Variants in ZRANB2 observed in about 807,000 individuals in gnomAD.
The protein encoded by ZRANB2 is zinc finger RANBP2-type containing 2, also known as zinc finger Ran-binding domain-containing protein 2.
A neutral mutation model predicts 53.4 loss-of-function variants in ZRANB2; 19 were observed. The observed-to-expected ratio is 0.36, with a 90% CI of 0.25 to 0.52. The LOEUF (loss-of-function observed/expected upper bound fraction) is 0.52. ZRANB2 is among the 20% of genes least tolerant of loss of function. The probability of loss-of-function intolerance (pLI) is 0.93; values close to 1 mark genes in which losing one functional copy is unlikely to be tolerated. For missense variants in ZRANB2, 309 were observed against 401.1 expected, an observed-to-expected ratio of 0.77 and a Z score of 1.96; for synonymous variants, 145 against 134.8, an observed-to-expected ratio of 1.08 and a Z score of -0.52.
At chr1:71,080,365 G>A (rs1340646108) in intron 1 of ZRANB2, among the ~76,000 whole-genome samples, 2 of 151,998 alleles carry the variant, frequency 1.3e-5, no homozygotes, top group East Asian at 1.9e-4. Flanking sequence ...GCTCTAAGGA[G>A]GCGAAAAGCC....
At chr1:71,072,933 C>T (rs1000935600) in intron 4 of ZRANB2, among the ~76,000 whole-genome samples, 4 of 151,362 alleles carry the variant, frequency 2.6e-5, no homozygotes, top group African/African-American at 9.7e-5. Context: ...CCACTGTTTA[C>T]CAACTGCAAA....
intron 4 of ZRANB2, among the ~76,000 whole-genome samples, chr1:71,074,331 T>C (rs1387323575): frequency 2.6e-5 from 4 of 152,168 alleles, no homozygotes; most frequent in African/African-American, 7.2e-5. Context: ...AGAATTTCCG[T>C]AGATTTTAGT....
intron 8 of ZRANB2, chr1:71,067,456 GAAGA>G (rs1661472982): frequency 3.4e-6 from 1 of 290,152 alleles, no homozygotes; most frequent in Non-Finnish European, 6.9e-6. Flanking sequence ...AAATATTCAA[GAAGA>G]AATAAAAACT....
At chr1:71,071,322 C>T (rs1369910000) in intron 6 of ZRANB2, among the ~76,000 whole-genome samples, 1 of 152,164 alleles carries the variant, frequency 6.6e-6, no homozygotes, top group African/African-American at 2.4e-5. Flanking sequence ...TCCTTATTCT[C>T]TAGCATATTA....
chr1:71,076,565 T>C (rs775466917), intron 4 of ZRANB2, among the ~76,000 whole-genome samples: 2 of 152,196 alleles, frequency 1.3e-5, no homozygotes, highest in Admixed American at 6.5e-5. Context: ...AAAGTATTCT[T>C]ATGTCCCTCC....
At chr1:71,072,691 C>A in intron 4 of ZRANB2, 143 bp from the exon 5 acceptor site, 1 of 599,650 alleles carries the variant, frequency 1.7e-6, no homozygotes, top group South Asian at 2.5e-5. Flanking sequence ...CTTTAGAAAG[C>A]ATATTAGAAA....
Position 71,070,883 on chromosome 1 carries a change from T to G in ZRANB2, c.627A>C (p.Ser209=). The change falls in exon 7 of 10, where the codon TCA becomes TCC. Residue 209 remains serine (S), a synonymous_variant. Transcript: ENST00000370920. ...NRRSRSKSRS[S]HSRSSSRSSS... ...ATGAGCGTGATGAAGATCGTGAATGTGAAGATCGAGACTTTGAGCGACTTC... is the reference window on the plus strand; with the variant it reads ...ATGAGCGTGATGAAGATCGTGAATGGGAAGATCGAGACTTTGAGCGACTTC... 1 of 1,610,834 alleles carries G rather than the reference T, an allele frequency of 6.2e-7. No individual in the cohort carries two copies. The highest frequency in any genetic ancestry group is 1.7e-5 in the Admixed American group (1 of 59,550).
Position 71,072,205 on chromosome 1 carries a change from A to G in ZRANB2, c.429T>C (p.Ser143=). 1 of 1,612,354 alleles carries G rather than the reference A, an allele frequency of 6.2e-7. No individual in the cohort carries two copies. Among genetic ancestry groups the G allele is most frequent in the Non-Finnish European group, 8.5e-7 (1 of 1,179,268 alleles). The change falls in exon 6 of 10, where the codon TCT becomes TCC. Residue 143 remains serine (S), a synonymous_variant. Coordinates refer to ENST00000370920, the MANE Select transcript of ZRANB2 (RefSeq NM_203350.3). ...KYRGKAVGPA[S]ILKEVEDKES... is the part of the protein sequence containing the mutation. The stretch of plus-strand genomic sequence containing the variant: ...CTTTATCTTCAACTTCCTTTAATAT[A>G]GATGCAGGACCAACTGCTTTCCCTC...
chr1:71,075,085 CAA>C (rs1661677318), intron 4 of ZRANB2, among the ~76,000 whole-genome samples: 4 of 152,078 alleles, frequency 2.6e-5, no homozygotes, highest in Admixed American at 2.6e-4. Flanking sequence ...GGAAATAGGT[CAA>C]AGTTTTTTTA....
intron 9 of ZRANB2, chr1:71,065,575 T>C (rs1353231147): frequency 1.4e-6 from 2 of 1,447,076 alleles, no homozygotes; most frequent in African/African-American, 1.4e-5. Flanking sequence ...TATGAGAAAA[T>C]ATACTCATAA....
At chr1:71,080,542 T>C (rs957119474) in intron 1 of ZRANB2, among the ~76,000 whole-genome samples, 5 of 151,788 alleles carry the variant, frequency 3.3e-5, no homozygotes, top group Non-Finnish European at 7.4e-5. Context: ...AAAGCAATAT[T>C]TTCCGTGAAC....
At chr1:71,078,760 C>A in intron 1 of ZRANB2, 52 bp from the exon 2 acceptor site, 2 of 1,475,326 alleles carry the variant, frequency 1.4e-6, no homozygotes, top group Non-Finnish European at 1.9e-6. Flanking sequence ...TAAAATTTTA[C>A]ATTTTAACTT....
At chr1:71,065,700 G>A (rs974989630) in intron 9 of ZRANB2, 33 of 1,611,896 alleles carry the variant, frequency 2.0e-5, no homozygotes, top group Non-Finnish European at 2.6e-5. Context: ...GTGGTGTTCC[G>A]TAGGGGTTGG....
At chr1:71,080,879 G>T in intron 1 of ZRANB2, 61 bp downstream of exon 1, 1 of 1,579,574 alleles carries the variant, frequency 6.3e-7, no homozygotes, top group South Asian at 1.1e-5. Context: ...AATGCCGGAC[G>T]GACCTCGGAA....
chr1:71,075,770 C>G (rs750689108), intron 4 of ZRANB2, among the ~76,000 whole-genome samples: 1 of 151,746 alleles, frequency 6.6e-6, no homozygotes, highest in African/African-American at 2.4e-5. Context: ...CTTACCCAAT[C>G]GGTGGAAAGG....
chr1:71,071,287 C>T (rs1661588831), intron 6 of ZRANB2, among the ~76,000 whole-genome samples: 2 of 152,198 alleles, frequency 1.3e-5, no homozygotes, highest in South Asian at 4.1e-4. Flanking sequence ...CTTGAAATCA[C>T]CATTTTTAGT....
chr1:71,065,064 T>C lies in ZRANB2; in HGVS notation c.*10A>G. On this transcript the variant is annotated 3_prime_UTR_variant, in exon 10 of 10. Coordinates refer to ENST00000370920, the MANE Select transcript of ZRANB2 (RefSeq NM_203350.3). Reference sequence around the variant, plus strand: ...GTACTGGATTTTTTTAAGATGTAAATTTTAATACATTATTTCTTTTTTGAA... The same window carrying C: ...GTACTGGATTTTTTTAAGATGTAAACTTTAATACATTATTTCTTTTTTGAA... 6.3e-7 allele frequency: 1 copy of C among 1,597,690 alleles called. No homozygotes were observed. Among genetic ancestry groups the C allele is most frequent in the Non-Finnish European group, 8.6e-7 (1 of 1,167,962 alleles).
chr1:71,075,378 T>C (rs909569650), intron 4 of ZRANB2, among the ~76,000 whole-genome samples: 1 of 152,040 alleles, frequency 6.6e-6, no homozygotes, highest in Non-Finnish European at 1.5e-5. Flanking sequence ...GAGAAAGAGA[T>C]CATTGGAAGA....
intron 4 of ZRANB2, 132 bp downstream of exon 4, chr1:71,076,662 AG>A: frequency 4.3e-6 from 3 of 699,246 alleles, no homozygotes; most frequent in Non-Finnish European, 7.3e-6. Flanking sequence ...AAAAAATCCC[AG>A]TAACAAACAT....
Sources: gnomAD v4.1 joint callset for allele counts (sites outside exome capture counted in the v4.1 genomes callset) on GRCh38, gnomAD v4.1.1 for gene constraint, MANE v1.5 for transcripts, NCBI Gene and HGNC (gene_info 2026-07-23, HGNC 2026-07-21) for gene names.